Variants in MARCHF6 observed in about 807,000 individuals in gnomAD.
The protein encoded by MARCHF6 is membrane associated ring-CH-type finger 6.
MARCHF6 carries 31 observed loss-of-function variants against 133.7 expected under a neutral mutation model. The observed-to-expected ratio is 0.23, with a 90% CI of 0.17 to 0.31. The LOEUF is 0.31. Ranked by LOEUF, MARCHF6 falls within the 10% of genes least tolerant of loss-of-function variation. MARCHF6 has a pLI of 1.00. For synonymous variants in MARCHF6, 395 were observed against 402.5 expected (o/e 0.98, Z 0.22); for missense variants, 723 against 1,121.6 (o/e 0.64, Z 5.08).
In MARCHF6 at chr5:10,435,739, CAG is replaced by C. The variant is rs1268733000; in HGVS notation, c.*2058_*2059del. 7.9e-5 allele frequency: 8 copies of C among 100,864 alleles called. No homozygotes were observed. The highest frequency in any genetic ancestry group is 3.1e-4 in the African/African-American group (8 of 25,868). 6.2% of individuals were successfully genotyped at this position (100,864 alleles called of 1,614,324 possible). A position where few individuals can be genotyped will look rare whatever the true frequency, so the allele number is the denominator to read the frequency against. On this transcript the variant is annotated 3_prime_UTR_variant, in exon 26 of 26. Coordinates refer to ENST00000274140, the MANE Select transcript of MARCHF6 (RefSeq NM_005885.4). ...TTTTTTTTTTTTTTTGCCCCCGAGACAGAGTCTTACTCTGTTGCCCAGGCTGG... is the reference window on the plus strand; with the variant it reads ...TTTTTTTTTTTTTTTGCCCCCGAGACAGTCTTACTCTGTTGCCCAGGCTGG...
chr5:10,356,107 A>G (rs1735441907), intron 1 of MARCHF6, among the ~76,000 whole-genome samples: 2 of 152,244 alleles, frequency 1.3e-5, no homozygotes, highest in South Asian at 2.1e-4. Context: ...AGGGAGGGTT[A>G]TAGAGGATTA....
chr5:10,375,390 C>A (rs2126683403), intron 1 of MARCHF6, among the ~76,000 whole-genome samples: 1 of 152,376 alleles, frequency 6.6e-6, no homozygotes, highest in Middle Eastern at 3.4e-3. Context: ...TAGCTGCCTT[C>A]CCGCTGGGCA....
intron 9 of MARCHF6, among the ~76,000 whole-genome samples, chr5:10,396,858 T>C (rs958982085): frequency 2.0e-5 from 3 of 152,154 alleles, no homozygotes; most frequent in African/African-American, 7.2e-5. Context: ...ATAGTGACCT[T>C]GTAGGTGTCA....
chr5:10,420,291 A>C (rs1055482924), intron 22 of MARCHF6, among the ~76,000 whole-genome samples: 8 of 152,198 alleles, frequency 5.3e-5, no homozygotes, highest in African/African-American at 1.9e-4. Flanking sequence ...GCTAAGATTC[A>C]AGGGAAGAGG....
At chr5:10,391,506 G>A (rs1737841445) in intron 6 of MARCHF6, 36 bp from the exon 7 acceptor site, 2 of 880,712 alleles carry the variant, frequency 2.3e-6, no homozygotes, top group Non-Finnish European at 3.4e-6. Flanking sequence ...AAACAGACAA[G>A]TGGATCTAAA....
intron 14 of MARCHF6, 143 bp downstream of exon 14, chr5:10,402,750 A>G: frequency 1.3e-6 from 1 of 752,998 alleles, no homozygotes; most frequent in Middle Eastern, 4.0e-4. Flanking sequence ...ATAGGATCTT[A>G]ATGTTAATTT....
At chr5:10,372,525 A>T (rs1007605395) in intron 1 of MARCHF6, among the ~76,000 whole-genome samples, 14 of 151,660 alleles carry the variant, frequency 9.2e-5, no homozygotes, top group South Asian at 2.1e-4. Flanking sequence ...CTTTAGGATT[A>T]TTTTTTTTCC....
Position 10,436,753 on chromosome 5 carries a change from G to T in MARCHF6, c.*3069G>T, listed in dbSNP as rs573207149. 1 of 152,104 alleles carries T rather than the reference G, an allele frequency of 6.6e-6. No homozygotes were observed. Among genetic ancestry groups the T allele is most frequent in the Admixed American group, 6.5e-5 (1 of 15,274 alleles). The allele number at this position is 152,104 out of a possible 1,614,324, so 9.4% of individuals were successfully genotyped here. On this transcript the variant is annotated 3_prime_UTR_variant, in exon 26 of 26. Coordinates refer to ENST00000274140, the MANE Select transcript of MARCHF6 (RefSeq NM_005885.4). ...AACTGAAGAAAAATGCCAATGTGAC[G>T]TTTGTGTATAGCTAGCCTTAAAAAA...
At position 10,411,511 on chromosome 5, in the gene MARCHF6, C is replaced by G; in HGVS notation, c.1870C>G (p.Arg624Gly). 1 of 1,614,004 alleles carries G rather than the reference C, an allele frequency of 6.2e-7. No homozygotes were observed. The highest frequency in any genetic ancestry group is 8.5e-7 in the Non-Finnish European group (1 of 1,179,922). The change falls in exon 19 of 26, where the codon CGC becomes GGC. Residue 624 changes from arginine (R) to glycine (G), a missense_variant. Transcript: ENST00000274140. ...AGGGCCTGTTGGCTTTCAGCCTTAC[C>G]GCCGACCTTTAAATTTTCCACTCAG... ...QGGPVGFQPY[R>G]RPLNFPLRIF... is the part of the protein sequence containing the mutation.
intron 1 of MARCHF6, among the ~76,000 whole-genome samples, chr5:10,375,778 G>A (rs1262669310): frequency 6.6e-6 from 1 of 151,960 alleles, no homozygotes; most frequent in African/African-American, 2.4e-5. Context: ...TTTATGTCTA[G>A]CTCAGGGATT....
chr5:10,360,153 T>TTG (rs1554018136), intron 1 of MARCHF6, among the ~76,000 whole-genome samples: 3 of 145,594 alleles, frequency 2.1e-5, no homozygotes, highest in Non-Finnish European at 3.0e-5. Flanking sequence ...TGTTTTTTTT[T>TTG]TTTTTTTTTT....
rs535081091 is a variant in MARCHF6 at position 10,427,559 on chromosome 5, C to T, written c.2506+1037C>T. 3.3e-5 allele frequency among the ~76,000 whole-genome samples: 5 copies of T among 152,328 alleles called. No homozygotes were observed. The South Asian group carries it at 8.3e-4, about 25-fold the overall frequency. On this transcript the variant is annotated intron_variant, in intron 24 of 25. Transcript: ENST00000274140. ...AATGTCCTCTCCATAACTGTCTCCA[C>T]ATTTTCATTTGTCTTATCCATCTGC...
chr5:10,398,586 A>C (rs1445299338), intron 10 of MARCHF6, among the ~76,000 whole-genome samples: 1 of 144,514 alleles, frequency 6.9e-6, no homozygotes, highest in Non-Finnish European at 1.5e-5. Flanking sequence ...TCTTGACTGC[A>C]TTTTTTTTTT....
intron 25 of MARCHF6, among the ~76,000 whole-genome samples, chr5:10,431,716 G>C (rs534211154): frequency 6.6e-6 from 1 of 152,000 alleles, no homozygotes; most frequent in Non-Finnish European, 1.5e-5. Flanking sequence ...AAGAGAGGGA[G>C]TTGGGTTCAG....
intron 7 of MARCHF6, 90 bp downstream of exon 7, chr5:10,391,821 T>A: frequency 7.8e-7 from 1 of 1,288,278 alleles, no homozygotes; most frequent in Non-Finnish European, 1.0e-6. Flanking sequence ...TTCAAATTTT[T>A]AATGTTGTGA....
chr5:10,424,572 C>A (rs1739989405), intron 23 of MARCHF6, among the ~76,000 whole-genome samples: 1 of 152,190 alleles, frequency 6.6e-6, no homozygotes, highest in Non-Finnish European at 1.5e-5. Context: ...TTTTCATCAA[C>A]CACGTTTAAG....
At chr5:10,363,739 T>C (rs931157675) in intron 1 of MARCHF6, among the ~76,000 whole-genome samples, 1 of 152,192 alleles carries the variant, frequency 6.6e-6, no homozygotes, top group Non-Finnish European at 1.5e-5. Context: ...TAGATAAATG[T>C]GATCTATTTG....
chr5:10,404,546 A>G (rs1228530551), intron 15 of MARCHF6, among the ~76,000 whole-genome samples: 1 of 152,204 alleles, frequency 6.6e-6, no homozygotes, highest in Non-Finnish European at 1.5e-5. Flanking sequence ...CAAAGGCACA[A>G]TTCCTGTTCT....
chr5:10,418,359 G>A (rs1241949526), intron 22 of MARCHF6, among the ~76,000 whole-genome samples: 49 of 143,176 alleles, frequency 3.4e-4, no homozygotes, highest in Admixed American at 3.2e-3. Context: ...CAGCCCGGGC[G>A]ACAAGAGTGA....
Sources: allele counts gnomAD v4.1 joint callset (sites outside exome capture counted in the v4.1 genomes callset), GRCh38; gene constraint gnomAD v4.1.1; transcripts MANE v1.5; gene names NCBI Gene and HGNC (gene_info 2026-07-23, HGNC 2026-07-21).